The following SLC6A6 variants were observed in gnomAD, a reference collection of about 807,000 sequenced individuals.
The protein encoded by SLC6A6 is sodium- and chloride-dependent taurine transporter.
A neutral mutation model predicts 68.8 loss-of-function variants in SLC6A6; 16 were observed. The ratio of observed to expected loss-of-function variants is 0.23; its 90% CI spans 0.16 to 0.35. SLC6A6 has a LOEUF of 0.35. SLC6A6 is among the 10% of genes least tolerant of loss of function. The pLI, the probability that SLC6A6 is intolerant of heterozygous loss-of-function variation, is 1.00. For missense variants in SLC6A6, 474 were observed against 802.8 expected (o/e 0.59, Z 4.95); for synonymous variants, 312 against 315.4 (o/e 0.99, Z 0.12).
chr3:14,426,152 CT>C (rs1352702662), intron 2 of SLC6A6, among the ~76,000 whole-genome samples: 1 of 152,194 alleles, frequency 6.6e-6, no homozygotes, highest in African/African-American at 2.4e-5. Flanking sequence ...CAGTTTCCCC[CT>C]GTGTCAGGTT....
intron 9 of SLC6A6, among the ~76,000 whole-genome samples, chr3:14,469,264 T>C (rs1376576753): frequency 6.6e-6 from 1 of 152,056 alleles, no homozygotes; most frequent in Admixed American, 6.6e-5. Flanking sequence ...TCCCTGGGGC[T>C]ACCTGGAGGT....
At chr3:14,458,106 C>A (rs200206592) in intron 6 of SLC6A6, 24 bp downstream of exon 6, 4 of 1,610,330 alleles carry the variant, frequency 2.5e-6, no homozygotes, top group Non-Finnish European at 3.4e-6. Flanking sequence ...CTGTCCGTCC[C>A]CTGCCTCCTG....
chr3:14,451,447 A>G (rs1215813557), intron 5 of SLC6A6, among the ~76,000 whole-genome samples: 2 of 152,240 alleles, frequency 1.3e-5, no homozygotes, highest in South Asian at 2.1e-4. Context: ...CTGAAAGCAC[A>G]TGAGTATTTG....
At chr3:14,471,709 G>A (rs1037153270) in intron 9 of SLC6A6, among the ~76,000 whole-genome samples, 1 of 152,132 alleles carries the variant, frequency 6.6e-6, no homozygotes, top group African/African-American at 2.4e-5. Context: ...CTCCTGTTGG[G>A]CGTGGTTTTG....
rs1700771538 is a variant in SLC6A6 at position 14,472,379 on chromosome 3, C to A, written c.1209+62C>A. The A allele has an allele frequency of 5.0e-6, 5 of 1,004,354 alleles. No individual in the cohort carries two copies. The highest frequency in any genetic ancestry group is 2.3e-4 in the Middle Eastern group (1 of 4,436). 62.2% of individuals were successfully genotyped at this position (1,004,354 alleles called of 1,614,324 possible). On this transcript the variant is annotated intron_variant, in intron 10 of 14. Transcript: ENST00000622186. This position sits in a 1 kb window ranked among gnomAD's most constrained non-coding sequence, Gnocchi z 4.5. ...GTGGGGAACCTGACTCTGGGAAAGA[C>A]TCCTTATTCCACCTGGGAGGTGGTC...
chr3:14,437,317 G>C (rs937063519), intron 2 of SLC6A6, among the ~76,000 whole-genome samples: 5 of 151,798 alleles, frequency 3.3e-5, no homozygotes, highest in Non-Finnish European at 5.9e-5. Flanking sequence ...GAGTGCAGTG[G>C]GGCAATCATG....
In SLC6A6 at chr3:14,477,196, C is replaced by G. The variant is rs760744490; in HGVS notation, c.1210-9C>G. 5 of 1,609,070 alleles carry G rather than the reference C, an allele frequency of 3.1e-6. No individual in the cohort carries two copies. Among genetic ancestry groups the G allele is most frequent in the Non-Finnish European group, 4.2e-6 (5 of 1,176,634 alleles). The stretch of plus-strand genomic sequence containing the variant: ...GCCGCTCACCAGCTCTCTCTCTTCC[C>G]CTCCTCAGTTTGTTGAAGTTGAAGG... On this transcript the variant is annotated splice_polypyrimidine_tract_variant and intron_variant, in intron 10 of 14. Transcript: ENST00000622186. The surrounding 1 kb of genome is among the most constrained non-coding windows in gnomAD (Gnocchi z 4.2).
chr3:14,439,793 C>T (rs953020778), intron 2 of SLC6A6, among the ~76,000 whole-genome samples: 16 of 152,202 alleles, frequency 1.1e-4, no homozygotes, highest in Admixed American at 9.8e-4. Context: ...GGCCTAATTG[C>T]AAGTTTGCAG....
In SLC6A6 at chr3:14,481,662, T is replaced by C; in HGVS notation, c.1552-9T>C. The stretch of plus-strand genomic sequence containing the variant: ...GACCCCTCTCCTGACTGCCCCCATC[T>C]CTCCGCAGGGATGTTTCATCTTCTC... On this transcript the variant is annotated splice_polypyrimidine_tract_variant and intron_variant, in intron 13 of 14. Coordinates refer to ENST00000622186, the MANE Select transcript of SLC6A6 (RefSeq NM_003043.6). This position sits in a 1 kb window ranked among gnomAD's most constrained non-coding sequence, Gnocchi z 4.7. 1.3e-6 allele frequency: 2 copies of C among 1,553,034 alleles called. No homozygotes were observed. The highest frequency in any genetic ancestry group is 1.7e-5 in the Admixed American group (1 of 58,088).
chr3:14,430,108 C>T (rs989870868), intron 2 of SLC6A6, among the ~76,000 whole-genome samples: 29 of 151,910 alleles, frequency 1.9e-4, no homozygotes, highest in Admixed American at 1.3e-3. Context: ...GGGGCAGTGC[C>T]GGGGAGAGAG....
At chr3:14,423,300 G>A (rs1261062489) in intron 2 of SLC6A6, among the ~76,000 whole-genome samples, 1 of 152,212 alleles carries the variant, frequency 6.6e-6, no homozygotes, top group East Asian at 1.9e-4. Flanking sequence ...TCATGCCTCG[G>A]TGTGATCTCA....
chr3:14,407,862 A>G (rs1699145140), intron 1 of SLC6A6, among the ~76,000 whole-genome samples: 1 of 152,072 alleles, frequency 6.6e-6, no homozygotes, highest in Non-Finnish European at 1.5e-5. Flanking sequence ...CCTCATATAA[A>G]TGGACTTATT....
Position 14,472,415 on chromosome 3 carries a change from C to T in SLC6A6, c.1209+98C>T. 4 of 748,142 alleles carry T rather than the reference C, an allele frequency of 5.3e-6. No individual in the cohort carries two copies. The highest frequency in any genetic ancestry group is 7.1e-6 in the Non-Finnish European group (3 of 422,844). 46.3% of individuals were successfully genotyped at this position (748,142 alleles called of 1,614,324 possible). ...ACCTGGGAGGTGGTCAACCCCCTTC[C>T]CCCCTCCAGTCAGACTTCCAGTGCT... is the stretch of plus-strand genomic sequence containing the variant. On this transcript the variant is annotated intron_variant, in intron 10 of 14. Transcript: ENST00000622186. The surrounding 1 kb of genome is among the most constrained non-coding windows in gnomAD (Gnocchi z 4.5).
intron 13 of SLC6A6, among the ~76,000 whole-genome samples, chr3:14,479,465 G>T (rs891606365): frequency 6.6e-6 from 1 of 152,186 alleles, no homozygotes. Context: ...AAAGAAGAGG[G>T]TGTATCTGGA....
chr3:14,419,140 G>A lies in SLC6A6; in HGVS notation c.-12+2687G>A, dbSNP rs547753996. 2.0e-5 allele frequency among the ~76,000 whole-genome samples: 3 copies of A among 152,304 alleles called. No homozygotes were observed. The East Asian group carries it at 5.8e-4, about 29-fold the overall frequency. ...TTTTGAGGCTTGCTGATGTATTTGC[G>A]CTTGGGAGCCCATTTTATAGAAAAG... On this transcript the variant is annotated intron_variant, in intron 2 of 14. Coordinates refer to ENST00000622186, the MANE Select transcript of SLC6A6 (RefSeq NM_003043.6).
At chr3:14,417,732 G>GA (rs58223644) in intron 2 of SLC6A6, among the ~76,000 whole-genome samples, 15,194 of 105,632 alleles carry the variant, frequency 0.14, 1,798 homozygotes, top group African/African-American at 0.33. Flanking sequence ...ACTCCGTCTC[G>GA]AAAAAAAAAA....
intron 14 of SLC6A6, among the ~76,000 whole-genome samples, chr3:14,483,921 C>T (rs766433767): frequency 1.1e-4 from 16 of 152,166 alleles, no homozygotes; most frequent in African/African-American, 2.9e-4. Context: ...TGACCTTGAG[C>T]GATCCTCCTG....
intron 10 of SLC6A6, among the ~76,000 whole-genome samples, chr3:14,473,577 A>G (rs1700803568): frequency 6.6e-6 from 1 of 152,108 alleles, no homozygotes; most frequent in Non-Finnish European, 1.5e-5. Context: ...GAGTCCAGGG[A>G]GAGGAGGCGG....
intron 1 of SLC6A6, among the ~76,000 whole-genome samples, chr3:14,404,412 C>A (rs1264530929): frequency 1.3e-5 from 2 of 152,258 alleles, no homozygotes; most frequent in East Asian, 3.9e-4. Flanking sequence ...CGGCTAAGAA[C>A]CCCCAACAGG....
Sources: gnomAD v4.1 joint callset for allele counts (sites outside exome capture counted in the v4.1 genomes callset) on GRCh38, gnomAD v4.1.1 for gene constraint, Gnocchi (gnomAD v3.1) non-coding constraint, MANE v1.5 for transcripts, NCBI Gene and HGNC (gene_info 2026-07-23, HGNC 2026-07-21) for gene names.